Variants in GRID2 observed in about 807,000 individuals in gnomAD.
GRID2 encodes glutamate receptor ionotropic, delta-2.
Under a neutral mutation model 114.8 loss-of-function variants are expected in GRID2, and 33 were observed. That is an observed-to-expected ratio of 0.29 (90% CI 0.22 to 0.38). The LOEUF (loss-of-function observed/expected upper bound fraction) is 0.38, where lower values mean the gene tolerates loss of function less well. Ranked by LOEUF, GRID2 falls within the 10% of genes least tolerant of loss-of-function variation. GRID2 has a pLI of 1.00. For missense variants in GRID2, 1,184 were observed against 1,257.7 expected, an observed-to-expected ratio of 0.94 and a Z score of 0.89; for synonymous variants, 505 against 449.9, an observed-to-expected ratio of 1.12 and a Z score of -1.55.
At chr4:92,314,013 A>T (rs1221984573) in intron 1 of GRID2, among the ~76,000 whole-genome samples, 1 of 152,240 alleles carries the variant, frequency 6.6e-6, no homozygotes, top group East Asian at 1.9e-4. Context: ...AAAATGATTT[A>T]AAATTGATAC....
chr4:93,414,491 G>A (rs919972005), intron 9 of GRID2, among the ~76,000 whole-genome samples: 1 of 151,910 alleles, frequency 6.6e-6, no homozygotes, highest in Non-Finnish European at 1.5e-5. Flanking sequence ...TCCTAGCCAC[G>A]CTAGTGTCTC....
intron 11 of GRID2, among the ~76,000 whole-genome samples, chr4:93,463,519 A>G (rs1273434672): frequency 3.3e-5 from 5 of 152,220 alleles, no homozygotes; most frequent in Non-Finnish European, 2.9e-5. Context: ...TTATAAAACA[A>G]GAACTAGTAC....
At chr4:93,221,429 C>T (rs1744862918) in intron 6 of GRID2, among the ~76,000 whole-genome samples, 1 of 151,974 alleles carries the variant, frequency 6.6e-6, no homozygotes, top group Non-Finnish European at 1.5e-5. Context: ...AGTGTAGTGC[C>T]AGTAAGGTAG....
chr4:92,445,378 A>C (rs904992297), intron 1 of GRID2, among the ~76,000 whole-genome samples: 1 of 152,224 alleles, frequency 6.6e-6, no homozygotes, highest in Admixed American at 6.5e-5. Flanking sequence ...GTGAAGGATG[A>C]TGCCTTCCAG....
intron 8 of GRID2, among the ~76,000 whole-genome samples, chr4:93,263,761 C>T (rs1750505619): frequency 6.6e-6 from 1 of 151,966 alleles, no homozygotes; most frequent in African/African-American, 2.4e-5. Flanking sequence ...TTTGAAAAGA[C>T]ATGTCAGAAA....
At chr4:92,849,305 G>T (rs1443877645) in intron 2 of GRID2, among the ~76,000 whole-genome samples, 1 of 151,796 alleles carries the variant, frequency 6.6e-6, no homozygotes, top group Non-Finnish European at 1.5e-5. Flanking sequence ...TTATCTGCAG[G>T]GCCTGGTTTC....
chr4:93,703,960 G>C (rs1324994449), intron 14 of GRID2, among the ~76,000 whole-genome samples: 1 of 152,070 alleles, frequency 6.6e-6, no homozygotes, highest in Admixed American at 6.6e-5. Context: ...AAACATACGT[G>C]TGCATGTGTC....
chr4:93,554,820 A>G (rs916746415), intron 13 of GRID2, among the ~76,000 whole-genome samples: 9 of 152,160 alleles, frequency 5.9e-5, no homozygotes, highest in Non-Finnish European at 1.2e-4. Flanking sequence ...GGCTGGCAAG[A>G]TGGCTGAATA....
chr4:93,189,251 C>T (rs897479198), intron 4 of GRID2, among the ~76,000 whole-genome samples: 1 of 151,098 alleles, frequency 6.6e-6, no homozygotes, highest in Non-Finnish European at 1.5e-5. Flanking sequence ...ATTTATTGCT[C>T]ACAATTATGG....
At chr4:92,587,904 A>G (rs1728523296) in intron 1 of GRID2, among the ~76,000 whole-genome samples, 1 of 152,178 alleles carries the variant, frequency 6.6e-6, no homozygotes, top group African/African-American at 2.4e-5. Context: ...AACAAGGTTG[A>G]TAAGAAGCCC....
chr4:92,640,825 A>T (rs1011441378), intron 2 of GRID2, among the ~76,000 whole-genome samples: 1 of 146,612 alleles, frequency 6.8e-6, no homozygotes, highest in Non-Finnish European at 1.5e-5. Flanking sequence ...CATATAAAAT[A>T]AAAAAAACAA....
At position 93,224,795 on chromosome 4, in the gene GRID2, G is replaced by T. The variant is rs199766182; in HGVS notation, c.1125+20G>T. ...AAGAAGGTAACTTCTTAATTTTCATGTAAAAAGGATATGGTAAATAATTAT... is the reference window on the plus strand; with the variant it reads ...AAGAAGGTAACTTCTTAATTTTCATTTAAAAAGGATATGGTAAATAATTAT... On this transcript the variant is annotated intron_variant, in intron 7 of 15. Coordinates refer to ENST00000282020, the MANE Select transcript of GRID2 (RefSeq NM_001510.4). 1.0e-4 allele frequency: 159 copies of T among 1,546,706 alleles called. No individual in the cohort carries two copies. Among genetic ancestry groups the T allele is most frequent in the Non-Finnish European group, 2.0e-5 (22 of 1,125,750 alleles).
chr4:92,386,918 A>G (rs1382110121), intron 1 of GRID2, among the ~76,000 whole-genome samples: 2 of 151,944 alleles, frequency 1.3e-5, no homozygotes, highest in African/African-American at 2.4e-5. Context: ...CATTCTATAT[A>G]TCAGTCATTA....
intron 10 of GRID2, among the ~76,000 whole-genome samples, chr4:93,440,793 G>C (rs1721554162): frequency 6.6e-6 from 1 of 152,082 alleles, no homozygotes; most frequent in African/African-American, 2.4e-5. Context: ...ATTTGCAGGT[G>C]ATATTTAATT....
At chr4:93,564,114 A>G (rs1435865983) in intron 13 of GRID2, among the ~76,000 whole-genome samples, 2 of 152,002 alleles carry the variant, frequency 1.3e-5, no homozygotes, top group Non-Finnish European at 2.9e-5. Context: ...AATTAATAAA[A>G]AAGGTAGAAG....
chr4:92,959,970 G>A (rs1256985441), intron 2 of GRID2, among the ~76,000 whole-genome samples: 1 of 151,520 alleles, frequency 6.6e-6, no homozygotes, highest in Non-Finnish European at 1.5e-5. Flanking sequence ...AAACCTGCAT[G>A]TTCTGCACAT....
intron 8 of GRID2, among the ~76,000 whole-genome samples, chr4:93,350,773 C>A (rs561527084): frequency 6.6e-6 from 1 of 151,920 alleles, no homozygotes; most frequent in Non-Finnish European, 1.5e-5. Context: ...ACACCAAATC[C>A]CAGTCATTGT....
At chr4:92,531,160 T>C (rs751633560) in intron 1 of GRID2, among the ~76,000 whole-genome samples, 2 of 152,144 alleles carry the variant, frequency 1.3e-5, no homozygotes, top group Non-Finnish European at 2.9e-5. Context: ...TATTTGCTAA[T>C]CACTGGAGCT....
At chr4:93,356,120 A>G (rs193225797) in intron 8 of GRID2, among the ~76,000 whole-genome samples, 56 of 152,234 alleles carry the variant, frequency 3.7e-4, no homozygotes, top group Non-Finnish European at 6.5e-4. Context: ...AAACCCGTAT[A>G]AATATAAACT....
Sources: allele counts gnomAD v4.1 joint callset (sites outside exome capture counted in the v4.1 genomes callset), GRCh38; gene constraint gnomAD v4.1.1; transcripts MANE v1.5; gene names NCBI Gene and HGNC (gene_info 2026-07-23, HGNC 2026-07-21).